The following MAPKBP1 variants were observed in gnomAD, a reference collection of about 807,000 sequenced individuals.
MAPKBP1 encodes the protein mitogen-activated protein kinase binding protein 1.
Under a neutral mutation model 170.5 loss-of-function variants are expected in MAPKBP1, and 71 were observed. The observed-to-expected ratio is 0.42, with a 90% CI of 0.34 to 0.51. The LOEUF (loss-of-function observed/expected upper bound fraction) is 0.51, where lower values mean the gene tolerates loss of function less well. Among genes scored for constraint, MAPKBP1 ranks in the 20% least tolerant of loss-of-function variants. The pLI is 0.06. For missense variants in MAPKBP1, 1,598 were observed against 1,933.0 expected, an observed-to-expected ratio of 0.83 and a Z score of 3.25; for synonymous variants, 719 against 757.9, an observed-to-expected ratio of 0.95 and a Z score of 0.84.
chr15:41,786,777 A>AAAAAAAATATATATATATATATAT, intron 2 of MAPKBP1, among the ~76,000 whole-genome samples: 9 of 32,438 alleles, frequency 2.8e-4, no homozygotes, highest in African/African-American at 1.0e-3. Context: ...AAAAAAAAAA[A>AAAAAAAATATATATATATATATAT]ATATATATAT....
At chr15:41,786,011 A>T (rs1288908054) in intron 2 of MAPKBP1, among the ~76,000 whole-genome samples, 1 of 152,232 alleles carries the variant, frequency 6.6e-6, no homozygotes, top group Non-Finnish European at 1.5e-5. Context: ...GGATTGGTGT[A>T]CATCAATAAG....
At chr15:41,784,573 A>G (rs757517377) in intron 2 of MAPKBP1, among the ~76,000 whole-genome samples, 34 of 151,820 alleles carry the variant, frequency 2.2e-4, no homozygotes, top group African/African-American at 8.0e-4. Flanking sequence ...CACAAGGTCA[A>G]GAGATCTAGA....
rs1567152887 is a variant in MAPKBP1 at position 41,818,812 on chromosome 15, CT to C, written c.2157-8del. On this transcript the variant is annotated splice_polypyrimidine_tract_variant and intron_variant, in intron 19 of 30. Coordinates refer to ENST00000457542, the MANE Select transcript of MAPKBP1 (RefSeq NM_014994.3). This position sits in a 1 kb window ranked among gnomAD's most constrained non-coding sequence, Gnocchi z 5.2. ...GCCCCTCCTTCAGCCAACTGTGTGG[CT>C]TTACCCCAGCTGCATATTTGTGTGG... The C allele has an allele frequency of 1.2e-6, 2 of 1,613,268 alleles. No homozygotes were observed. Among genetic ancestry groups the C allele is most frequent in the African/African-American group, 1.3e-5 (1 of 74,940 alleles).
At chr15:41,820,614 G>C (rs901955963) in intron 22 of MAPKBP1, among the ~76,000 whole-genome samples, 3 of 152,188 alleles carry the variant, frequency 2.0e-5, no homozygotes, top group Non-Finnish European at 4.4e-5. Flanking sequence ...GCCACTTACT[G>C]TCTGTGGGAC....
intron 10 of MAPKBP1, 94 bp from the exon 11 acceptor site, chr15:41,815,165 A>G (rs1468292252): frequency 7.4e-6 from 11 of 1,482,430 alleles, no homozygotes; most frequent in Non-Finnish European, 8.3e-6. Context: ...CCTGGCCACC[A>G]TTCCCTTTTT....
At chr15:41,813,531 C>T (rs1872492113) in intron 8 of MAPKBP1, 90 bp from the exon 9 acceptor site, 2 of 1,549,114 alleles carry the variant, frequency 1.3e-6, no homozygotes, top group African/African-American at 1.4e-5. Context: ...TGGCCGGTCC[C>T]TCCTCTTGGC....
At position 41,811,016 on chromosome 15, in the gene MAPKBP1, C is replaced by T. The variant is rs980033996; in HGVS notation, c.269+71C>T. On this transcript the variant is annotated intron_variant, in intron 4 of 30. Transcript: ENST00000457542. Reference sequence around the variant, plus strand: ...ATGAGAAGGGCACTGTCTAGAGTCTCTATGGCTCTGGGGGCTGGGACCTGG... The same window carrying T: ...ATGAGAAGGGCACTGTCTAGAGTCTTTATGGCTCTGGGGGCTGGGACCTGG... 2.5e-6 allele frequency: 4 copies of T among 1,581,092 alleles called. No homozygotes were observed. The African/African-American group carries it at 4.0e-5, about 16-fold the overall frequency.
In MAPKBP1 at chr15:41,815,622, A is replaced by G; in HGVS notation, c.1318-2A>G. Reference sequence around the variant, plus strand: ...TCCACCTTTTCTAACCTGTTCCACTAGGACCTCATTAAAATCATCTATGTG... The same window carrying G: ...TCCACCTTTTCTAACCTGTTCCACTGGGACCTCATTAAAATCATCTATGTG... On this transcript the variant is annotated splice_acceptor_variant, in intron 11 of 30. Coordinates refer to ENST00000457542, the MANE Select transcript of MAPKBP1 (RefSeq NM_014994.3). LOFTEE classifies it high-confidence loss of function. 1 of 1,612,976 alleles carries G rather than the reference A, an allele frequency of 6.2e-7. No individual in the cohort carries two copies.
Position 41,825,573 on chromosome 15 carries a change from G to C in MAPKBP1, c.*137G>C, listed in dbSNP as rs2065076652. On this transcript the variant is annotated 3_prime_UTR_variant, in exon 31 of 31. Transcript: ENST00000457542. Reference sequence around the variant, plus strand: ...GTTCAGAGGCAAAGCAGCCTTCCCAGCCGCTCCTCGTGGGGGGCCTGTATT... The same window carrying C: ...GTTCAGAGGCAAAGCAGCCTTCCCACCCGCTCCTCGTGGGGGGCCTGTATT... The C allele has an allele frequency of 4.4e-6, 3 of 679,716 alleles. No individual in the cohort carries two copies. The Admixed American group carries it at 9.8e-5, about 22-fold the overall frequency. 42.1% of individuals were successfully genotyped at this position (679,716 alleles called of 1,614,324 possible). A position where few individuals can be genotyped will look rare whatever the true frequency, so the allele number is the denominator to read the frequency against.
Position 41,815,674 on chromosome 15 carries a change from C to T in MAPKBP1, c.1368C>T (p.Asp456=). ...YVDGNTQALL[D]TELPGGDKAD... ...ATGGGAACACCCAGGCCCTGCTGGA[C>T]ACAGAGCTGCCTGGAGGAGACAAAG... Residue 456 remains aspartate, a synonymous_variant, in exon 12 of 31, where the codon GAC becomes GAT. Transcript: ENST00000457542. 1.9e-6 allele frequency: 3 copies of T among 1,614,090 alleles called. No homozygotes were observed. Among genetic ancestry groups the T allele is most frequent in the African/African-American group, 1.3e-5 (1 of 75,064 alleles).
At chr15:41,790,368 A>G (rs891215922) in intron 2 of MAPKBP1, among the ~76,000 whole-genome samples, 15 of 152,210 alleles carry the variant, frequency 9.9e-5, no homozygotes, top group Admixed American at 7.2e-4. Context: ...AGAATCTTGC[A>G]GTCAGGGGAA....
chr15:41,799,243 C>T (rs915125514), intron 2 of MAPKBP1, among the ~76,000 whole-genome samples: 2 of 151,936 alleles, frequency 1.3e-5, no homozygotes, highest in East Asian at 1.9e-4. Flanking sequence ...AGCATTAAGC[C>T]CTGTTTCTGC....
chr15:41,800,948 T>C (rs574977653), intron 3 of MAPKBP1, among the ~76,000 whole-genome samples: 1 of 151,928 alleles, frequency 6.6e-6, no homozygotes, highest in East Asian at 1.9e-4. Context: ...TTGCCTAGGC[T>C]AGTTTCGAAC....
intron 2 of MAPKBP1, among the ~76,000 whole-genome samples, chr15:41,788,469 A>G (rs546425156): frequency 4.5e-4 from 68 of 152,326 alleles, no homozygotes; most frequent in South Asian, 3.7e-3. Context: ...CATGTGAATG[A>G]TGCAAATTAG....
In MAPKBP1 at chr15:41,817,725, C is replaced by T; in HGVS notation, c.1894C>T (p.Arg632Ter). Residue 632 changes from arginine to a stop codon, truncating the protein, a stop_gained, in exon 16 of 31, where the codon CGA (arginine) becomes TGA (stop). Transcript: ENST00000457542. LOFTEE classifies it high-confidence loss of function. The surrounding 1 kb of genome is among the most constrained non-coding windows in gnomAD (Gnocchi z 4.2). Reference sequence around the variant, plus strand: ...GTACACGGCTATCGGCTGCCAGGACCGAAATATTCGGTGGGCGTCCCCTCC... The same window carrying T: ...GTACACGGCTATCGGCTGCCAGGACTGAAATATTCGGTGGGCGTCCCCTCC... Reference protein sequence around the residue: ...WKYTAIGCQDRNIRIFNISSG... With the variant: ...WKYTAIGCQD 1.9e-6 allele frequency: 3 copies of T among 1,613,528 alleles called. No homozygotes were observed. Among genetic ancestry groups the T allele is most frequent in the African/African-American group, 1.3e-5 (1 of 75,030 alleles).
intron 9 of MAPKBP1, among the ~76,000 whole-genome samples, chr15:41,814,041 G>T (rs2064849295): frequency 6.6e-6 from 1 of 152,204 alleles, no homozygotes; most frequent in Non-Finnish European, 1.5e-5. Context: ...GTGATTTTAG[G>T]AATCGTTCAA....
chr15:41,811,809 T>C (rs2064811672), intron 5 of MAPKBP1, 148 bp from the exon 6 acceptor site: 2 of 794,178 alleles, frequency 2.5e-6, no homozygotes, highest in Admixed American at 2.0e-5. Flanking sequence ...CTTTATCATA[T>C]TTCCTCTATA....
intron 8 of MAPKBP1, 55 bp from the exon 9 acceptor site, chr15:41,813,566 G>A: frequency 6.3e-7 from 1 of 1,596,016 alleles, no homozygotes; most frequent in Non-Finnish European, 8.5e-7. Flanking sequence ...GGGTGGGGAG[G>A]AGAGAAGACT....
At chr15:41,784,188 CATA>C (rs771890494) in intron 2 of MAPKBP1, among the ~76,000 whole-genome samples, 4 of 152,164 alleles carry the variant, frequency 2.6e-5, no homozygotes, top group African/African-American at 4.8e-5. Context: ...TTTCATATAA[CATA>C]ATAACCTGCT....
Sources: gnomAD v4.1 joint callset for allele counts (sites outside exome capture counted in the v4.1 genomes callset) on GRCh38, gnomAD v4.1.1 for gene constraint, Gnocchi (gnomAD v3.1) non-coding constraint, MANE v1.5 for transcripts, NCBI Gene and HGNC (gene_info 2026-07-23, HGNC 2026-07-21) for gene names.